The following PRKN variants were observed in gnomAD, a reference collection of about 807,000 sequenced individuals.
The protein encoded by PRKN is parkin RBR E3 ubiquitin protein ligase.
A neutral mutation model predicts 59.5 loss-of-function variants in PRKN; 56 were observed. The observed-to-expected ratio is 0.94, with a 90% confidence interval of 0.76 to 1.18. The LOEUF is 1.18. Ranked by LOEUF, PRKN falls within the 50% of genes most tolerant of loss-of-function variation. The pLI is 0.00. For synonymous variants in PRKN, 250 were observed against 222.1 expected (o/e 1.13, Z -1.12); for missense variants, 657 against 596.4 (o/e 1.10, Z -1.06).
chr6:161,733,797 T>TATATATATATATAC (rs58765166), intron 7 of PRKN, among the ~76,000 whole-genome samples: 1,670 of 81,458 alleles, frequency 0.021, 34 homozygotes, highest in African/African-American at 0.049. Flanking sequence ...TATATATATA[T>TATATATATATATAC]GTATATATAT....
chr6:162,082,568 T>C (rs1370353565), intron 4 of PRKN, among the ~76,000 whole-genome samples: 2 of 152,116 alleles, frequency 1.3e-5, no homozygotes, highest in African/African-American at 4.8e-5. Context: ...TCAAGGAATT[T>C]TCCTTTGCAT....
At chr6:161,438,353 A>G (rs909455498) in intron 9 of PRKN, among the ~76,000 whole-genome samples, 16 of 151,264 alleles carry the variant, frequency 1.1e-4, no homozygotes, top group African/African-American at 3.6e-4. Context: ...GAGGAGCTAG[A>G]ACTACAGGCA....
chr6:162,296,256 G>A (rs971604303), intron 2 of PRKN, among the ~76,000 whole-genome samples: 4 of 92,628 alleles, frequency 4.3e-5, no homozygotes, highest in African/African-American at 1.7e-4. Context: ...CTATGCCAGC[G>A]CCCAGTACCT....
intron 3 of PRKN, among the ~76,000 whole-genome samples, chr6:162,235,961 G>GAAAGAAAGAAAGAAAGAAAGAAAGA (rs1778661194): frequency 1.8e-5 from 1 of 54,356 alleles, no homozygotes; most frequent in African/African-American, 9.0e-5. Context: ...AAGAAAGGAA[G>GAAAGAAAGAAAGAAAGAAAGAAAGA]AAAGAAAGAA....
In PRKN at chr6:162,513,915, G is replaced by C. The variant is rs142432492; in HGVS notation, c.8-70442C>G. Among the ~76,000 whole-genome samples the C allele has an allele frequency of 9.1e-3, 1,389 of 151,964 alleles. 17 individuals are homozygous for C. Among genetic ancestry groups the C allele is most frequent in the African/African-American group, 0.032 (1,309 of 41,428 alleles). ...CTAAAAATACAAAAAATATGGTGAT[G>C]CGTGCCTGTAGTCCCAGCTACGTGG... On this transcript the variant is annotated intron_variant, in intron 1 of 11. Coordinates refer to ENST00000366898, the MANE Select transcript of PRKN (RefSeq NM_004562.3).
intron 1 of PRKN, among the ~76,000 whole-genome samples, chr6:162,527,247 C>T (rs1778323368): frequency 6.6e-6 from 1 of 152,192 alleles, no homozygotes; most frequent in Non-Finnish European, 1.5e-5. Flanking sequence ...TGAGTATCCA[C>T]AGCTCAGAGC....
At chr6:162,276,963 GATAACAGGTT>G (rs1780662987) in intron 2 of PRKN, among the ~76,000 whole-genome samples, 1 of 152,146 alleles carries the variant, frequency 6.6e-6, no homozygotes, top group African/African-American at 2.4e-5. Context: ...AGAATAGATT[GATAACAGGTT>G]ATAATACATT....
At chr6:162,280,114 T>G (rs1240407486) in intron 2 of PRKN, among the ~76,000 whole-genome samples, 2 of 152,170 alleles carry the variant, frequency 1.3e-5, no homozygotes, top group Non-Finnish European at 2.9e-5. Flanking sequence ...GGGTACTGAC[T>G]TTTTATCCAA....
chr6:161,726,920 T>C (rs1197615285), intron 7 of PRKN, among the ~76,000 whole-genome samples: 6 of 152,218 alleles, frequency 3.9e-5, no homozygotes, highest in Admixed American at 3.9e-4. Context: ...AAAATAGTGA[T>C]ACTGGCCAGT....
chr6:162,273,208 T>C (rs1416727704), intron 2 of PRKN, among the ~76,000 whole-genome samples: 1 of 151,950 alleles, frequency 6.6e-6, no homozygotes, highest in Non-Finnish European at 1.5e-5. Flanking sequence ...AAAATCGAAG[T>C]TAGTGAAAAT....
chr6:162,415,180 A>G (rs60338266), intron 2 of PRKN, among the ~76,000 whole-genome samples: 83,126 of 151,588 alleles, frequency 0.55, 23,731 homozygotes, highest in African/African-American at 0.7. Flanking sequence ...TAGCGTAGCT[A>G]CAATTGGTTG....
chr6:161,865,402 C>A (rs769693783), intron 6 of PRKN, among the ~76,000 whole-genome samples: 2 of 152,162 alleles, frequency 1.3e-5, no homozygotes, highest in African/African-American at 4.8e-5. Context: ...AGGGAGTCAG[C>A]CTATCCTTGG....
At chr6:162,484,115 C>CT (rs1413061498) in intron 1 of PRKN, among the ~76,000 whole-genome samples, 3 of 152,234 alleles carry the variant, frequency 2.0e-5, no homozygotes, top group African/African-American at 7.2e-5. Flanking sequence ...TCAGATGCCT[C>CT]TTAATATAAA....
chr6:161,555,178 T>C (rs545430961), intron 8 of PRKN, among the ~76,000 whole-genome samples: 2 of 152,304 alleles, frequency 1.3e-5, no homozygotes, highest in South Asian at 4.1e-4. Flanking sequence ...TTCCTTCACT[T>C]TTCATTTTCT....
chr6:162,013,470 C>T (rs1419727300), intron 5 of PRKN, among the ~76,000 whole-genome samples: 1 of 152,056 alleles, frequency 6.6e-6, no homozygotes, highest in African/African-American at 2.4e-5. Context: ...AGAAAATGTT[C>T]AGAAACTGAG....
At chr6:162,611,222 G>T (rs1388927875) in intron 1 of PRKN, among the ~76,000 whole-genome samples, 1 of 152,146 alleles carries the variant, frequency 6.6e-6, no homozygotes. Context: ...TGCTACAGGG[G>T]TTTCTCGAGC....
intron 1 of PRKN, among the ~76,000 whole-genome samples, chr6:162,617,990 G>C (rs893957460): frequency 6.6e-6 from 1 of 152,148 alleles, no homozygotes. Flanking sequence ...GAGGTGCAGA[G>C]ATTTGAAGGA....
chr6:161,658,096 A>G lies in PRKN; in HGVS notation c.872-88680T>C, dbSNP rs1784421111. On this transcript the variant is annotated intron_variant, in intron 7 of 11. Coordinates refer to ENST00000366898, the MANE Select transcript of PRKN (RefSeq NM_004562.3). ...TACTCACATTTTAAAAGGATGTCAC[A>G]CAAATTTCAGCCACATTGTAGAGTT... 1.3e-5 allele frequency among the ~76,000 whole-genome samples: 2 copies of G among 151,946 alleles called. 1 individual carries two copies. Among genetic ancestry groups the G allele is most frequent in the South Asian group, 4.1e-4 (2 of 4,822 alleles).
At chr6:161,639,057 C>T (rs1157684243) in intron 7 of PRKN, among the ~76,000 whole-genome samples, 1 of 152,058 alleles carries the variant, frequency 6.6e-6, no homozygotes, top group Non-Finnish European at 1.5e-5. Flanking sequence ...GACGGTTTTT[C>T]CCCCTTTTGC....
Sources: gnomAD v4.1 joint callset for allele counts (sites outside exome capture counted in the v4.1 genomes callset) on GRCh38, gnomAD v4.1.1 for gene constraint, MANE v1.5 for transcripts, NCBI Gene and HGNC (gene_info 2026-07-23, HGNC 2026-07-21) for gene names.